GABRG1: variants seen among roughly 807,000 people sequenced by gnomAD.
GABRG1 encodes gamma-aminobutyric acid type A receptor subunit gamma1.
In GABRG1, 49 loss-of-function variants were observed where a neutral mutation model predicts 49.8. That is an observed-to-expected ratio of 0.98 (90% CI 0.78 to 1.25). The LOEUF (loss-of-function observed/expected upper bound fraction) is 1.25. GABRG1 is among the 50% of genes most tolerant of loss of function. GABRG1 has a pLI of 0.00. For missense variants in GABRG1, 552 were observed against 552.3 expected, an observed-to-expected ratio of 1.00 and a Z score of 0.01; for synonymous variants, 232 against 185.1, an observed-to-expected ratio of 1.25 and a Z score of -2.06.
intron 3 of GABRG1, among the ~76,000 whole-genome samples, chr4:46,083,025 G>A (rs1290297708): frequency 6.6e-6 from 1 of 151,506 alleles, no homozygotes; most frequent in Non-Finnish European, 1.5e-5. Context: ...AATCTATAAG[G>A]CAAAATGCTG....
At chr4:46,089,088 G>C (rs1252850179) in intron 2 of GABRG1, among the ~76,000 whole-genome samples, 1 of 151,860 alleles carries the variant, frequency 6.6e-6, no homozygotes, top group East Asian at 1.9e-4. Context: ...AAAATAACTT[G>C]GTTAGCAGCG....
chr4:46,077,411 A>G (rs750285198), intron 3 of GABRG1, among the ~76,000 whole-genome samples: 1 of 152,076 alleles, frequency 6.6e-6, no homozygotes, highest in African/African-American at 2.4e-5. Flanking sequence ...CTATGTACAT[A>G]AAGTTATGAT....
chr4:46,074,655 A>C (rs930660085), intron 3 of GABRG1, among the ~76,000 whole-genome samples: 2 of 152,198 alleles, frequency 1.3e-5, no homozygotes, highest in African/African-American at 2.4e-5. Context: ...CATTTTAATT[A>C]AACTGAAGAG....
At chr4:46,113,397 T>C (rs1720781813) in intron 1 of GABRG1, among the ~76,000 whole-genome samples, 1 of 150,984 alleles carries the variant, frequency 6.6e-6, no homozygotes, top group African/African-American at 2.4e-5. Flanking sequence ...GAGAACTCAC[T>C]ATCATGAGAA....
chr4:46,089,613 TTAAA>T (rs1283938846), intron 2 of GABRG1, among the ~76,000 whole-genome samples: 1 of 152,070 alleles, frequency 6.6e-6, no homozygotes, highest in Admixed American at 6.6e-5. Flanking sequence ...GTTGAACTAT[TTAAA>T]TAACTGAAAC....
intron 1 of GABRG1, among the ~76,000 whole-genome samples, chr4:46,104,687 C>T (rs920506133): frequency 7.3e-5 from 11 of 151,374 alleles, no homozygotes; most frequent in Admixed American, 6.6e-4. Flanking sequence ...GGGATTTTAA[C>T]ACTCTTTAAA....
rs1717656214 is a variant in GABRG1, at chr4:46,039,123, A to G, written c.*1865T>C. ...ATTCTTTATTACTACTTTATTTTTT[A>G]TTTATCCTTAAATGAATGCTCACTT... On this transcript the variant is annotated 3_prime_UTR_variant, in exon 9 of 9. Transcript: ENST00000295452. The G allele has an allele frequency of 6.6e-6, 1 of 151,666 alleles. No homozygotes were observed. Among genetic ancestry groups the G allele is most frequent in the East Asian group, 1.9e-4 (1 of 5,188 alleles). 9.4% of individuals were successfully genotyped at this position (151,666 alleles called of 1,614,324 possible). A position where few individuals can be genotyped will look rare whatever the true frequency, so the allele number is the denominator to read the frequency against.
At chr4:46,115,678 TG>T (rs1720861961) in intron 1 of GABRG1, among the ~76,000 whole-genome samples, 1 of 150,806 alleles carries the variant, frequency 6.6e-6, no homozygotes, top group Non-Finnish European at 1.5e-5. Context: ...CTATTTTATA[TG>T]GTTTCCTTGG....
At chr4:46,101,350 T>G (rs2109433879) in intron 1 of GABRG1, among the ~76,000 whole-genome samples, 1 of 151,662 alleles carries the variant, frequency 6.6e-6, no homozygotes, top group African/African-American at 2.4e-5. Flanking sequence ...GGTGGTTCGG[T>G]TTTGAATTTC....
intron 3 of GABRG1, among the ~76,000 whole-genome samples, chr4:46,074,141 T>A (rs1272635522): frequency 6.6e-6 from 1 of 152,186 alleles, no homozygotes; most frequent in Non-Finnish European, 1.5e-5. Flanking sequence ...ACATTTGTTA[T>A]AGATTGGTTC....
At chr4:46,108,994 T>C (rs1720641595) in intron 1 of GABRG1, among the ~76,000 whole-genome samples, 1 of 150,928 alleles carries the variant, frequency 6.6e-6, no homozygotes. Flanking sequence ...TCATATCATA[T>C]CTATGCTCAA....
At chr4:46,096,632 A>T (rs1720171390) in intron 2 of GABRG1, among the ~76,000 whole-genome samples, 1 of 151,706 alleles carries the variant, frequency 6.6e-6, no homozygotes, top group Admixed American at 6.6e-5. Context: ...TTCACATCAC[A>T]CATACTTGTA....
chr4:46,123,971 C>G lies in GABRG1; in HGVS notation c.-58G>C, dbSNP rs1721177335. On this transcript the variant is annotated 5_prime_UTR_variant, in exon 1 of 9. Transcript: ENST00000295452. The stretch of plus-strand genomic sequence containing the variant: ...TCAATTCTCCCAGCCAGGACTTTTC[C>G]TCCCACCTCAGCAGCAGCTGGCTGA... The G allele has an allele frequency of 1.3e-5, 17 of 1,316,932 alleles. No individual in the cohort carries two copies. The South Asian group carries it at 1.9e-4, about 15-fold the overall frequency. The allele number at this position is 1,316,932 out of a possible 1,614,324, so 81.6% of individuals were successfully genotyped here. A position where few individuals can be genotyped will look rare whatever the true frequency, so the allele number is the denominator to read the frequency against.
At chr4:46,065,964 T>C (rs1718905092) in intron 3 of GABRG1, among the ~76,000 whole-genome samples, 1 of 152,108 alleles carries the variant, frequency 6.6e-6, no homozygotes, top group African/African-American at 2.4e-5. Flanking sequence ...CCTCGTGATC[T>C]GCCCGGCTCA....
intron 3 of GABRG1, among the ~76,000 whole-genome samples, chr4:46,079,592 A>G (rs1317443892): frequency 6.6e-6 from 1 of 151,952 alleles, no homozygotes; most frequent in Non-Finnish European, 1.5e-5. Flanking sequence ...TGGATTATAT[A>G]AGGGTATACC....
chr4:46,119,390 G>C (rs1033612442), intron 1 of GABRG1, among the ~76,000 whole-genome samples: 1 of 151,314 alleles, frequency 6.6e-6, no homozygotes, highest in Non-Finnish European at 1.5e-5. Flanking sequence ...ATGCAGGCAG[G>C]GGTATAGAAC....
chr4:46,044,560 T>A (rs186009638), intron 8 of GABRG1, among the ~76,000 whole-genome samples: 21 of 152,130 alleles, frequency 1.4e-4, no homozygotes, highest in Admixed American at 1.1e-3. Flanking sequence ...TCTGATCAAT[T>A]TCTGAAGTAC....
chr4:46,094,350 A>T (rs1720100742), intron 2 of GABRG1, among the ~76,000 whole-genome samples: 1 of 151,894 alleles, frequency 6.6e-6, no homozygotes, highest in Non-Finnish European at 1.5e-5. Context: ...TCTCATCTCT[A>T]CTCTAAGGCA....
rs185431745 is a variant in GABRG1, at chr4:46,038,504, C to T, written c.*2484G>A. 5.5e-4 allele frequency: 83 copies of T among 151,280 alleles called. No homozygotes were observed. Among genetic ancestry groups the T allele is most frequent in the African/African-American group, 1.9e-3 (79 of 41,404 alleles). The allele number at this position is 151,280 out of a possible 1,614,324, so 9.4% of individuals were successfully genotyped here. On this transcript the variant is annotated 3_prime_UTR_variant, in exon 9 of 9. Coordinates refer to ENST00000295452, the MANE Select transcript of GABRG1 (RefSeq NM_173536.4). ...GAAAGCATCCAGGAAAATCAAGTTCCAATAAATTCAATAAATTATTATATA... is the reference window on the plus strand; with the variant it reads ...GAAAGCATCCAGGAAAATCAAGTTCTAATAAATTCAATAAATTATTATATA...
Sources: allele counts gnomAD v4.1 joint callset (sites outside exome capture counted in the v4.1 genomes callset), GRCh38; gene constraint gnomAD v4.1.1; transcripts MANE v1.5; gene names NCBI Gene and HGNC (gene_info 2026-07-23, HGNC 2026-07-21).